Variants in RIMS2 observed in about 807,000 individuals in gnomAD.
The protein encoded by RIMS2 is regulating synaptic membrane exocytosis 2.
In RIMS2, 59 loss-of-function variants were observed where a neutral mutation model predicts 174.4. The ratio of observed to expected loss-of-function variants is 0.34; its 90% CI spans 0.27 to 0.42. RIMS2 has a LOEUF of 0.42. Ranked by LOEUF, RIMS2 falls within the 10% of genes least tolerant of loss-of-function variation. RIMS2 has a pLI of 1.00. For missense variants in RIMS2, 1,620 were observed against 1,666.3 expected (o/e 0.97, Z 0.48); for synonymous variants, 606 against 572.5 (o/e 1.06, Z -0.84).
At chr8:104,088,205 G>T (rs1224132918) in intron 19 of RIMS2, among the ~76,000 whole-genome samples, 1 of 152,036 alleles carries the variant, frequency 6.6e-6, no homozygotes, top group Non-Finnish European at 1.5e-5. Flanking sequence ...TCTGGAAGTA[G>T]CTCCTCAGAG....
intron 3 of RIMS2, among the ~76,000 whole-genome samples, chr8:103,835,281 T>A (rs1481676675): frequency 1.3e-5 from 2 of 151,718 alleles, no homozygotes; most frequent in Admixed American, 6.6e-5. Context: ...TTTTGTCTTT[T>A]TAGTAGAGAC....
intron 19 of RIMS2, among the ~76,000 whole-genome samples, chr8:104,112,480 A>T (rs2098205319): frequency 6.6e-6 from 1 of 151,872 alleles, no homozygotes; most frequent in African/African-American, 2.4e-5. Flanking sequence ...ACATACATAC[A>T]TGATATATGT....
chr8:104,218,137 G>C (rs537255264), intron 19 of RIMS2, among the ~76,000 whole-genome samples: 24 of 152,286 alleles, frequency 1.6e-4, no homozygotes, highest in African/African-American at 4.6e-4. Context: ...AAAGAGGTTA[G>C]TTGAGTCTGC....
exon 4 of RIMS2, chr8:103,885,666 A>T: frequency 1.2e-6 from 2 of 1,613,108 alleles, no homozygotes. Context: ...ATGCGGATCC[A>T]TGCTGAAGTG....
rs1429852020 is a variant in RIMS2, at chr8:103,983,705, A to G, written c.2928-5600A>G. On this transcript the variant is annotated intron_variant, in intron 16 of 23. Transcript: ENST00000504942. ...ACACTGGATATCTATATGAATAATA[A>G]TGAAACTTGACCCCTATCTCTTGCC... Among the ~76,000 whole-genome samples, 5 of 152,216 alleles carry G rather than the reference A, an allele frequency of 3.3e-5. No homozygotes were observed. The East Asian group carries it at 9.6e-4, about 29-fold the overall frequency.
intron 19 of RIMS2, among the ~76,000 whole-genome samples, chr8:104,224,741 C>T (rs2099174896): frequency 6.6e-6 from 1 of 151,994 alleles, no homozygotes; most frequent in African/African-American, 2.4e-5. Context: ...AAAGAAATTG[C>T]CCGTTCTAAA....
intron 2 of RIMS2, among the ~76,000 whole-genome samples, chr8:103,750,178 C>G (rs2097867421): frequency 6.6e-6 from 1 of 151,280 alleles, no homozygotes; most frequent in Non-Finnish European, 1.5e-5. Flanking sequence ...TATTTTTTCC[C>G]CTAAGAAAAA....
intron 8 of RIMS2, among the ~76,000 whole-genome samples, chr8:103,917,001 A>G (rs2154528606): frequency 6.6e-6 from 1 of 152,292 alleles, no homozygotes; most frequent in South Asian, 2.1e-4. Context: ...AGCAAACACC[A>G]AAGTACTCTT....
At chr8:103,507,509 T>G (rs1824250282) in intron 1 of RIMS2, among the ~76,000 whole-genome samples, 1 of 152,090 alleles carries the variant, frequency 6.6e-6, no homozygotes, top group African/African-American at 2.4e-5. Flanking sequence ...TATGTTCATC[T>G]AGGTGGTACA....
intron 3 of RIMS2, among the ~76,000 whole-genome samples, chr8:103,865,173 A>T (rs893591131): frequency 3.3e-5 from 5 of 151,720 alleles, no homozygotes; most frequent in Non-Finnish European, 7.4e-5. Flanking sequence ...TATAAAAATA[A>T]AAATAAATAC....
At chr8:104,197,685 G>A (rs1019899506) in intron 19 of RIMS2, among the ~76,000 whole-genome samples, 3 of 152,072 alleles carry the variant, frequency 2.0e-5, no homozygotes, top group Non-Finnish European at 2.9e-5. Context: ...ATTTTGCGAG[G>A]GTGGTTTAAG....
chr8:104,206,320 C>T (rs962179382), intron 19 of RIMS2, among the ~76,000 whole-genome samples: 15 of 152,082 alleles, frequency 9.9e-5, no homozygotes, highest in African/African-American at 3.1e-4. Context: ...AATATAAATT[C>T]GTATCTCTCT....
intron 19 of RIMS2, among the ~76,000 whole-genome samples, chr8:104,068,857 T>A (rs2097148935): frequency 6.6e-6 from 1 of 152,216 alleles, no homozygotes; most frequent in Non-Finnish European, 1.5e-5. Context: ...TTACAGTTTT[T>A]CATTTTGTAA....
At chr8:103,722,266 C>A (rs1012711770) in intron 2 of RIMS2, among the ~76,000 whole-genome samples, 2 of 152,004 alleles carry the variant, frequency 1.3e-5, no homozygotes, top group Non-Finnish European at 2.9e-5. Context: ...CCCAGCCACA[C>A]AGGGGTGAGG....
intron 17 of RIMS2, among the ~76,000 whole-genome samples, chr8:104,009,930 C>G (rs1206678957): frequency 6.6e-6 from 1 of 151,976 alleles, no homozygotes; most frequent in Non-Finnish European, 1.5e-5. Flanking sequence ...TGTAGAGATA[C>G]TCTACATTGA....
At chr8:103,781,698 G>A (rs1168006199) in intron 3 of RIMS2, among the ~76,000 whole-genome samples, 1 of 141,484 alleles carries the variant, frequency 7.1e-6, no homozygotes, top group East Asian at 2.0e-4. Flanking sequence ...ATTTTCTTAT[G>A]CTTCAAGGTT....
intron 19 of RIMS2, among the ~76,000 whole-genome samples, chr8:104,108,228 T>C (rs2098114163): frequency 6.6e-6 from 1 of 152,184 alleles, no homozygotes; most frequent in Non-Finnish European, 1.5e-5. Flanking sequence ...TATCTTTTGT[T>C]ATTTTTTCTT....
chr8:103,925,803 T>G (rs1908784), intron 10 of RIMS2, among the ~76,000 whole-genome samples: 4,574 of 151,622 alleles, frequency 0.03, 210 homozygotes, highest in African/African-American at 0.1. Context: ...TCTGGGATGA[T>G]GAAAATATTT....
At chr8:103,721,358 T>C (rs1005048221) in intron 2 of RIMS2, among the ~76,000 whole-genome samples, 1 of 152,182 alleles carries the variant, frequency 6.6e-6, no homozygotes, top group Non-Finnish European at 1.5e-5. Flanking sequence ...AATGGGCTAA[T>C]ACAGGTCTCC....
Sources: gnomAD v4.1 joint callset for allele counts (sites outside exome capture counted in the v4.1 genomes callset) on GRCh38, gnomAD v4.1.1 for gene constraint, MANE v1.5 for transcripts, NCBI Gene and HGNC (gene_info 2026-07-23, HGNC 2026-07-21) for gene names.